Variants in MARCHF6 observed in about 807,000 individuals in gnomAD.
MARCHF6 encodes the protein membrane associated ring-CH-type finger 6.
A neutral mutation model predicts 133.7 loss-of-function variants in MARCHF6; 31 were observed. The observed-to-expected ratio is 0.23, with a 90% confidence interval of 0.17 to 0.31. The LOEUF is 0.31. Among genes scored for constraint, MARCHF6 ranks in the 10% least tolerant of loss-of-function variants. MARCHF6 has a pLI of 1.00. For missense variants in MARCHF6, 723 were observed against 1,121.6 expected, an observed-to-expected ratio of 0.64 and a Z score of 5.08; for synonymous variants, 395 against 402.5, an observed-to-expected ratio of 0.98 and a Z score of 0.22.
intron 1 of MARCHF6, among the ~76,000 whole-genome samples, chr5:10,364,341 T>C (rs1237173765): frequency 6.6e-6 from 1 of 152,144 alleles, no homozygotes; most frequent in Non-Finnish European, 1.5e-5. Context: ...GGAGTTGGGA[T>C]ATCACTGTGT....
intron 24 of MARCHF6, among the ~76,000 whole-genome samples, chr5:10,427,132 T>A (rs910141265): frequency 2.0e-5 from 3 of 152,248 alleles, no homozygotes; most frequent in Non-Finnish European, 4.4e-5. Flanking sequence ...TGTCACCTTA[T>A]TCTGTCCTCC....
At chr5:10,405,981 C>T (rs1273069489) in intron 16 of MARCHF6, among the ~76,000 whole-genome samples, 2 of 152,156 alleles carry the variant, frequency 1.3e-5, no homozygotes, top group African/African-American at 4.8e-5. Context: ...AATGGCCGCA[C>T]AGCAGGAGAT....
At chr5:10,364,906 C>T (rs183437830) in intron 1 of MARCHF6, among the ~76,000 whole-genome samples, 15 of 152,072 alleles carry the variant, frequency 9.9e-5, no homozygotes, top group Non-Finnish European at 1.6e-4. Flanking sequence ...CAGGTTCAAG[C>T]GATTCTCCTG....
chr5:10,396,503 C>A (rs1386740935), intron 9 of MARCHF6, among the ~76,000 whole-genome samples: 37 of 152,152 alleles, frequency 2.4e-4, no homozygotes, highest in Admixed American at 2.4e-3. Context: ...ACCCTTCTTT[C>A]TGGTTGGATT....
chr5:10,387,188 A>C (rs537016364), intron 5 of MARCHF6, 122 bp downstream of exon 5: 1 of 631,214 alleles, frequency 1.6e-6, no homozygotes, highest in African/African-American at 1.8e-5. Flanking sequence ...ATTTATGTCT[A>C]TTACACTAAC....
intron 1 of MARCHF6, among the ~76,000 whole-genome samples, chr5:10,357,934 TAAG>T (rs999818409): frequency 1.5e-4 from 22 of 149,652 alleles, no homozygotes; most frequent in Non-Finnish European, 2.7e-4. Flanking sequence ...TGGGAGGGAA[TAAG>T]AAGTGCCAGG....
intron 1 of MARCHF6, among the ~76,000 whole-genome samples, chr5:10,371,813 T>G (rs1322267917): frequency 6.6e-6 from 1 of 152,162 alleles, no homozygotes; most frequent in African/African-American, 2.4e-5. Context: ...TTCATTAAAG[T>G]TTCTAGTACA....
intron 7 of MARCHF6, 36 bp downstream of exon 7, chr5:10,391,767 T>C (rs771430137): frequency 3.5e-6 from 5 of 1,442,462 alleles, no homozygotes; most frequent in Non-Finnish European, 4.6e-6. Flanking sequence ...TCTTCAGCAC[T>C]GCAAATCTGT....
intron 10 of MARCHF6, among the ~76,000 whole-genome samples, chr5:10,398,968 T>C (rs1738353549): frequency 6.6e-6 from 1 of 152,202 alleles, no homozygotes; most frequent in African/African-American, 2.4e-5. Flanking sequence ...TTTTTGGCTC[T>C]TGTGGTCATA....
Position 10,426,473 on chromosome 5 carries a change from T to G in MARCHF6, c.2457T>G (p.Leu819=). The G allele has an allele frequency of 6.2e-7, 1 of 1,614,182 alleles. No individual in the cohort carries two copies. ...CTCCCGTGATCTCTGTGCTGTTGCTTTCCCTGTGTGTACCTTATGTCATAG... is the reference window on the plus strand; with the variant it reads ...CTCCCGTGATCTCTGTGCTGTTGCTGTCCCTGTGTGTACCTTATGTCATAG... ...LAAPVISVLL[L]SLCVPYVIAS... Residue 819 remains leucine (L), a synonymous_variant, in exon 24 of 26, where the codon CTT becomes CTG. Coordinates refer to ENST00000274140, the MANE Select transcript of MARCHF6 (RefSeq NM_005885.4).
chr5:10,409,157 A>T (rs1471928318), intron 17 of MARCHF6, among the ~76,000 whole-genome samples: 1 of 152,132 alleles, frequency 6.6e-6, no homozygotes, highest in East Asian at 1.9e-4. Context: ...TAGGAACATG[A>T]TTGTTCAAAA....
chr5:10,412,721 G>A (rs1390791637), intron 19 of MARCHF6, among the ~76,000 whole-genome samples: 3 of 152,056 alleles, frequency 2.0e-5, no homozygotes, highest in Non-Finnish European at 2.9e-5. Flanking sequence ...GACCATGGGT[G>A]CATGCCACTA....
At chr5:10,414,289 TA>T in intron 19 of MARCHF6, 143 bp from the exon 20 acceptor site, 1 of 542,884 alleles carries the variant, frequency 1.8e-6, no homozygotes, top group Non-Finnish European at 3.2e-6. Flanking sequence ...TTACTGAAAA[TA>T]AAAATTTTAT....
intron 1 of MARCHF6, among the ~76,000 whole-genome samples, chr5:10,357,664 G>C (rs182386884): frequency 6.6e-6 from 1 of 152,268 alleles, no homozygotes; most frequent in East Asian, 1.9e-4. Flanking sequence ...GATGTCTGCT[G>C]CATGTTTCTT....
At chr5:10,412,488 A>G (rs2126790345) in intron 19 of MARCHF6, among the ~76,000 whole-genome samples, 1 of 152,296 alleles carries the variant, frequency 6.6e-6, no homozygotes, top group Non-Finnish European at 1.5e-5. Flanking sequence ...AGAGAGTGAA[A>G]AAAAGGAAGT....
At chr5:10,407,315 CAATT>C (rs1006223386) in intron 17 of MARCHF6, 113 bp downstream of exon 17, 4 of 457,154 alleles carry the variant, frequency 8.7e-6, no homozygotes, top group African/African-American at 4.1e-5. Context: ...AATCATCTGA[CAATT>C]AAATTTTGCT....
chr5:10,400,938 T>C (rs1170681133), intron 11 of MARCHF6, 96 bp downstream of exon 11: 18 of 993,382 alleles, frequency 1.8e-5, no homozygotes, highest in Middle Eastern at 2.6e-4. Context: ...CATTTCTTCA[T>C]TGGCATTATG....
intron 6 of MARCHF6, among the ~76,000 whole-genome samples, chr5:10,391,338 G>A (rs538114367): frequency 2.6e-5 from 4 of 151,240 alleles, no homozygotes; most frequent in Non-Finnish European, 2.9e-5. Context: ...TTGCTGTGCT[G>A]GCCAGGCTGG....
intron 23 of MARCHF6, among the ~76,000 whole-genome samples, chr5:10,424,553 TC>T (rs1177745565): frequency 1.3e-5 from 2 of 152,238 alleles, no homozygotes; most frequent in Non-Finnish European, 2.9e-5. Context: ...TTTTCTATAC[TC>T]CCATGAATTT....
Sources: allele counts gnomAD v4.1 joint callset (sites outside exome capture counted in the v4.1 genomes callset), GRCh38; gene constraint gnomAD v4.1.1; transcripts MANE v1.5; gene names NCBI Gene and HGNC (gene_info 2026-07-23, HGNC 2026-07-21).